CTNNA2: variants seen among roughly 807,000 people sequenced by gnomAD.
CTNNA2 encodes the protein catenin alpha 2, also known as catenin alpha-2.
Under a neutral mutation model 101.0 loss-of-function variants are expected in CTNNA2, and 42 were observed. The ratio of observed to expected loss-of-function variants is 0.42; its 90% CI spans 0.32 to 0.54. The LOEUF is 0.54. CTNNA2 is among the 20% of genes least tolerant of loss of function. The pLI is 0.14. For missense variants in CTNNA2, 871 were observed against 1,223.1 expected, an observed-to-expected ratio of 0.71 and a Z score of 4.29; for synonymous variants, 450 against 456.4, an observed-to-expected ratio of 0.99 and a Z score of 0.18.
At chr2:79,857,243 G>A (rs974999031) in intron 3 of CTNNA2, among the ~76,000 whole-genome samples, 3 of 152,114 alleles carry the variant, frequency 2.0e-5, no homozygotes, top group Admixed American at 1.3e-4. Flanking sequence ...CACAATAAAT[G>A]AGCAAATACC....
intron 7 of CTNNA2, among the ~76,000 whole-genome samples, chr2:80,079,887 A>AAATAAAAT (rs1699029581): frequency 9.5e-5 from 13 of 136,942 alleles, no homozygotes; most frequent in African/African-American, 2.5e-4. Context: ...TAAAATAATA[A>AAATAAAAT]AATAAAATAA....
intron 9 of CTNNA2, among the ~76,000 whole-genome samples, chr2:80,500,192 C>T (rs1019673548): frequency 6.6e-5 from 10 of 152,096 alleles, no homozygotes; most frequent in African/African-American, 1.4e-4. Context: ...AAAAAGAAAG[C>T]GTGCAGAGAT....
At chr2:80,413,444 A>G (rs1679768579) in intron 8 of CTNNA2, among the ~76,000 whole-genome samples, 1 of 152,228 alleles carries the variant, frequency 6.6e-6, no homozygotes, top group South Asian at 2.1e-4. Context: ...ATTATTCTTT[A>G]AATGTCTTCC....
At chr2:79,194,381 C>T (rs878932367) in intron 1 of CTNNA2, among the ~76,000 whole-genome samples, 6 of 152,184 alleles carry the variant, frequency 3.9e-5, no homozygotes, top group Admixed American at 3.9e-4. Flanking sequence ...TGGGAATGTC[C>T]ACTTATATCA....
chr2:80,627,564 TTTC>T (rs546171635), intron 18 of CTNNA2, among the ~76,000 whole-genome samples: 18 of 151,848 alleles, frequency 1.2e-4, no homozygotes, highest in Non-Finnish European at 1.3e-4. Flanking sequence ...TGATGGTTTT[TTTC>T]TTCTTGTAAA....
chr2:79,475,329 AT>A (rs1671039506), intron 4 of CTNNA2, among the ~76,000 whole-genome samples: 1 of 152,100 alleles, frequency 6.6e-6, no homozygotes, highest in Admixed American at 6.6e-5. Context: ...AGAAATAGCA[AT>A]TTTTCCCCTT....
intron 2 of CTNNA2, among the ~76,000 whole-genome samples, chr2:79,208,473 C>T (rs190817047): frequency 1.3e-5 from 2 of 152,232 alleles, no homozygotes; most frequent in East Asian, 1.9e-4. Context: ...CGGTTTGAAA[C>T]ACTAGAGAGG....
chr2:79,727,875 G>A (rs999833916), intron 2 of CTNNA2, among the ~76,000 whole-genome samples: 1 of 151,696 alleles, frequency 6.6e-6, no homozygotes, highest in African/African-American at 2.4e-5. Context: ...ATGATTTCCA[G>A]TTTCATCCAT....
chr2:80,487,112 C>G (rs1686650731), intron 9 of CTNNA2, among the ~76,000 whole-genome samples: 1 of 151,916 alleles, frequency 6.6e-6, no homozygotes, highest in South Asian at 2.1e-4. Context: ...CAAACCCCGT[C>G]TCTACTAAAA....
At chr2:80,509,043 G>A (rs766543481) in intron 9 of CTNNA2, among the ~76,000 whole-genome samples, 58 of 152,302 alleles carry the variant, frequency 3.8e-4, no homozygotes, top group Admixed American at 1.4e-3. Context: ...GCAGCAATGT[G>A]TGGTAAACAG....
intron 15 of CTNNA2, among the ~76,000 whole-genome samples, chr2:80,597,552 A>G (rs1225562415): frequency 2.0e-5 from 3 of 152,344 alleles, no homozygotes; most frequent in Non-Finnish European, 4.4e-5. Context: ...ACAGAATGGG[A>G]TAAATTTTTT....
intron 2 of CTNNA2, among the ~76,000 whole-genome samples, chr2:79,216,438 C>A (rs553430348): frequency 6.6e-6 from 1 of 150,514 alleles, no homozygotes; most frequent in Non-Finnish European, 1.5e-5. Flanking sequence ...GATAAGAGGT[C>A]GGAGCATGGA....
chr2:79,560,248 G>A (rs1674693529), intron 1 of CTNNA2, among the ~76,000 whole-genome samples: 1 of 151,924 alleles, frequency 6.6e-6, no homozygotes, highest in Non-Finnish European at 1.5e-5. Flanking sequence ...CAACCTTGGA[G>A]GTTAGAATTA....
chr2:79,876,111 G>A (rs1683005232), intron 6 of CTNNA2, among the ~76,000 whole-genome samples: 1 of 152,130 alleles, frequency 6.6e-6, no homozygotes, highest in Non-Finnish European at 1.5e-5. Context: ...ATGATCTTGA[G>A]TAGGAGAACT....
At chr2:79,428,477 G>A (rs1678616351) in intron 4 of CTNNA2, among the ~76,000 whole-genome samples, 1 of 152,078 alleles carries the variant, frequency 6.6e-6, no homozygotes, top group African/African-American at 2.4e-5. Flanking sequence ...AGGATGAAAA[G>A]GGCAATTACA....
intron 1 of CTNNA2, among the ~76,000 whole-genome samples, chr2:79,597,724 C>T (rs980000019): frequency 2.0e-5 from 3 of 152,116 alleles, no homozygotes; most frequent in Admixed American, 6.6e-5. Context: ...ACAGCCTCCC[C>T]AGTGAGACCC....
At chr2:79,587,227 C>T (rs1423219788) in intron 1 of CTNNA2, among the ~76,000 whole-genome samples, 2 of 151,988 alleles carry the variant, frequency 1.3e-5, no homozygotes, top group Non-Finnish European at 2.9e-5. Context: ...TACTTTTAGT[C>T]CTTTAAGGAA....
chr2:80,396,420 G>C (rs1206519511), intron 8 of CTNNA2, among the ~76,000 whole-genome samples: 2 of 152,166 alleles, frequency 1.3e-5, no homozygotes, highest in African/African-American at 4.8e-5. Context: ...GGGCACAGCA[G>C]GCCCTGTGTC....
chr2:80,098,783 G>T (rs554426364), intron 7 of CTNNA2, among the ~76,000 whole-genome samples: 2 of 152,194 alleles, frequency 1.3e-5, no homozygotes, highest in Admixed American at 6.5e-5. Context: ...GGGAGGCTTC[G>T]TGGGCATAGG....
Sources: gnomAD v4.1 joint callset for allele counts (sites outside exome capture counted in the v4.1 genomes callset) on GRCh38, gnomAD v4.1.1 for gene constraint, MANE v1.5 for transcripts, NCBI Gene and HGNC (gene_info 2026-07-23, HGNC 2026-07-21) for gene names.